Variants in XYLT1 observed in about 807,000 individuals in gnomAD.
XYLT1 encodes xylosyltransferase 1.
Under a neutral mutation model 91.3 loss-of-function variants are expected in XYLT1, and 36 were observed. That is an observed-to-expected ratio of 0.39 (90% CI 0.30 to 0.52). The LOEUF (loss-of-function observed/expected upper bound fraction) is 0.52, where lower values mean the gene tolerates loss of function less well. XYLT1 is among the 20% of genes least tolerant of loss of function. The probability of loss-of-function intolerance (pLI) is 0.68; values close to 1 mark genes in which losing one functional copy is unlikely to be tolerated. For synonymous variants in XYLT1, 588 were observed against 532.0 expected, an observed-to-expected ratio of 1.11 and a Z score of -1.45; for missense variants, 1,242 against 1,284.5, an observed-to-expected ratio of 0.97 and a Z score of 0.51.
intron 1 of XYLT1, among the ~76,000 whole-genome samples, chr16:17,409,166 C>T (rs1447093838): frequency 2.0e-5 from 3 of 152,132 alleles, no homozygotes; most frequent in East Asian, 1.9e-4. Flanking sequence ...CCTCCTTCGA[C>T]GCTAGAAAGA....
At chr16:17,361,355 A>C (rs556075342) in intron 1 of XYLT1, among the ~76,000 whole-genome samples, 1 of 152,304 alleles carries the variant, frequency 6.6e-6, no homozygotes, top group Non-Finnish European at 1.5e-5. Flanking sequence ...CAGAGAAAAT[A>C]TATGCTTGTT....
intron 1 of XYLT1, among the ~76,000 whole-genome samples, chr16:17,380,009 T>C (rs1457071003): frequency 1.3e-5 from 2 of 152,034 alleles, no homozygotes; most frequent in Non-Finnish European, 2.9e-5. Context: ...GTTGGAGGGC[T>C]GGGAGCAGTG....
intron 1 of XYLT1, among the ~76,000 whole-genome samples, chr16:17,386,561 T>C (rs146221825): frequency 1.3e-5 from 2 of 152,296 alleles, no homozygotes; most frequent in Admixed American, 6.5e-5. Context: ...AAAAAGCGCA[T>C]ATGTTTTCTT....
chr16:17,319,876 G>A (rs758928037), intron 2 of XYLT1, among the ~76,000 whole-genome samples: 2 of 152,086 alleles, frequency 1.3e-5, no homozygotes, highest in African/African-American at 2.4e-5. Context: ...TGGCCCCTTC[G>A]TACCTCTCCA....
At chr16:17,236,802 G>A (rs541772463) in intron 3 of XYLT1, among the ~76,000 whole-genome samples, 1 of 152,140 alleles carries the variant, frequency 6.6e-6, no homozygotes, top group Non-Finnish European at 1.5e-5. Flanking sequence ...ATGTCTATCT[G>A]TGGGTCTGAA....
intron 1 of XYLT1, among the ~76,000 whole-genome samples, chr16:17,400,069 A>C (rs980325958): frequency 6.6e-6 from 1 of 152,224 alleles, no homozygotes; most frequent in African/African-American, 2.4e-5. Context: ...TTTATTTGGC[A>C]ACAAGGAAAT....
intron 5 of XYLT1, among the ~76,000 whole-genome samples, chr16:17,185,807 C>G (rs2032171079): frequency 6.6e-6 from 1 of 152,068 alleles, no homozygotes; most frequent in African/African-American, 2.4e-5. Context: ...TTGAGGTCAG[C>G]TTAGACAACA....
intron 1 of XYLT1, among the ~76,000 whole-genome samples, chr16:17,447,288 C>A (rs533050497): frequency 6.6e-6 from 1 of 152,266 alleles, no homozygotes; most frequent in East Asian, 1.9e-4. Flanking sequence ...GTGCCTGTAG[C>A]CTGGGAGGGA....
rs150584950 is a variant in XYLT1 at position 17,352,453 on chromosome 16, A to G, written c.402+5559T>C. On this transcript the variant is annotated intron_variant, in intron 2 of 11. Transcript: ENST00000261381. ...AAAGTAATTCTTTATTCATCTTGAC[A>G]TTATAATGACACAAAAGCACTGAAG... Among the ~76,000 whole-genome samples the G allele has an allele frequency of 7.9e-4, 120 of 152,306 alleles. 1 individual carries two copies. The highest frequency in any genetic ancestry group is 2.8e-3 in the African/African-American group (115 of 41,554).
rs140146836 is a variant in XYLT1 at position 17,364,663 on chromosome 16, C to T, written c.364-6613G>A. 4.9e-3 allele frequency among the ~76,000 whole-genome samples: 743 copies of T among 152,262 alleles called. 4 individuals are homozygous for T. The highest frequency in any genetic ancestry group is 7.7e-3 in the Non-Finnish European group (521 of 68,020). ...GAATGCTTACTTTATGCCAAGCATA[C>T]GAAATTCCTGCAACGCTGCCAAGGG... On this transcript the variant is annotated intron_variant, in intron 1 of 11. Coordinates refer to ENST00000261381, the MANE Select transcript of XYLT1 (RefSeq NM_022166.4).
chr16:17,181,731 C>T (rs1178279547), intron 5 of XYLT1, among the ~76,000 whole-genome samples: 2 of 151,898 alleles, frequency 1.3e-5, no homozygotes, highest in African/African-American at 4.8e-5. Flanking sequence ...TCTGTGAACC[C>T]TTCCTCCTCC....
chr16:17,450,436 CTT>C (rs1350472668), intron 1 of XYLT1, among the ~76,000 whole-genome samples: 2 of 152,126 alleles, frequency 1.3e-5, no homozygotes, highest in South Asian at 4.1e-4. Flanking sequence ...GGAAAGGACT[CTT>C]TTCTGCAGAC....
chr16:17,326,582 C>G (rs62030289), intron 2 of XYLT1, among the ~76,000 whole-genome samples: 1 of 151,804 alleles, frequency 6.6e-6, no homozygotes, highest in African/African-American at 2.4e-5. Flanking sequence ...CCAGCACTTT[C>G]GGAGGCCGAG....
chr16:17,250,820 C>CA (rs2033527088), intron 3 of XYLT1: 1 of 152,298 alleles, frequency 6.6e-6, no homozygotes, highest in Non-Finnish European at 1.5e-5. Context: ...CCCACTTAGC[C>CA]AAGCTGTTCC....
chr16:17,446,904 C>T (rs2036598242), intron 1 of XYLT1, among the ~76,000 whole-genome samples: 3 of 149,692 alleles, frequency 2.0e-5, no homozygotes, highest in East Asian at 1.9e-4. Context: ...CAGCCAAACT[C>T]GCTGAACCAG....
At chr16:17,243,958 A>T (rs1014067730) in intron 3 of XYLT1, among the ~76,000 whole-genome samples, 1 of 152,152 alleles carries the variant, frequency 6.6e-6, no homozygotes, top group Non-Finnish European at 1.5e-5. Flanking sequence ...CTGGAAAATC[A>T]TTGTGGGGAT....
chr16:17,180,256 A>C (rs2032037973), intron 5 of XYLT1, among the ~76,000 whole-genome samples: 1 of 152,216 alleles, frequency 6.6e-6, no homozygotes. Flanking sequence ...GAATGGTTGC[A>C]CCACAACCCA....
intron 2 of XYLT1, among the ~76,000 whole-genome samples, chr16:17,309,538 CA>C (rs1226325475): frequency 6.6e-6 from 1 of 152,166 alleles, no homozygotes. Flanking sequence ...GGACATGCAT[CA>C]GCTTGGTTTC....
chr16:17,190,331 C>T (rs754370005), intron 5 of XYLT1, among the ~76,000 whole-genome samples: 23 of 152,104 alleles, frequency 1.5e-4, no homozygotes, highest in Non-Finnish European at 2.5e-4. Context: ...TTTTCAGGTA[C>T]ATGTGCACAA....
Sources: allele counts gnomAD v4.1 joint callset (sites outside exome capture counted in the v4.1 genomes callset), GRCh38; gene constraint gnomAD v4.1.1; transcripts MANE v1.5; gene names NCBI Gene and HGNC (gene_info 2026-07-23, HGNC 2026-07-21).